The following SLC16A7 variants were observed in gnomAD, a reference collection of about 807,000 sequenced individuals.
SLC16A7 encodes the protein monocarboxylate transporter 2.
In SLC16A7, 33 loss-of-function variants were observed where a neutral mutation model predicts 34.9. That is an observed-to-expected ratio of 0.94 (90% CI 0.72 to 1.26). SLC16A7 has a LOEUF of 1.26. Ranked by LOEUF, SLC16A7 falls within the 50% of genes most tolerant of loss-of-function variation. The pLI, the probability that SLC16A7 is intolerant of heterozygous loss-of-function variation, is 0.00. For missense variants in SLC16A7, 573 were observed against 578.1 expected, an observed-to-expected ratio of 0.99 and a Z score of 0.09; for synonymous variants, 201 against 206.6, an observed-to-expected ratio of 0.97 and a Z score of 0.23.
intron 2 of SLC16A7, among the ~76,000 whole-genome samples, chr12:59,692,552 A>G (rs1871795673): frequency 6.6e-6 from 1 of 152,058 alleles, no homozygotes; most frequent in Admixed American, 6.6e-5. Flanking sequence ...GGGGATGTTC[A>G]ACCTGTATTA....
chr12:59,773,687 A>C (rs12826770), intron 4 of SLC16A7, among the ~76,000 whole-genome samples: 11,906 of 151,748 alleles, frequency 0.078, 554 homozygotes, highest in Middle Eastern at 0.17. Flanking sequence ...GCCTCAGCCT[A>C]CCAAGTAGCT....
At chr12:59,654,469 G>T (rs1868432290) in intron 1 of SLC16A7, among the ~76,000 whole-genome samples, 1 of 151,640 alleles carries the variant, frequency 6.6e-6, no homozygotes, top group Admixed American at 6.6e-5. Flanking sequence ...GTTGGACAGA[G>T]AAATGAAAAA....
intron 3 of SLC16A7, among the ~76,000 whole-genome samples, chr12:59,712,897 GAT>G (rs1378952173): frequency 1.3e-5 from 2 of 152,278 alleles, no homozygotes; most frequent in Admixed American, 1.3e-4. Context: ...ATATATGATA[GAT>G]ACATGTGGTT....
intron 2 of SLC16A7, among the ~76,000 whole-genome samples, chr12:59,679,637 A>G (rs1330159472): frequency 6.6e-6 from 1 of 152,052 alleles, no homozygotes; most frequent in African/African-American, 2.4e-5. Flanking sequence ...CTTTATAATT[A>G]CCTCCTACAT....
chr12:59,651,697 C>A (rs1359815272), intron 1 of SLC16A7, among the ~76,000 whole-genome samples: 2 of 152,130 alleles, frequency 1.3e-5, no homozygotes, highest in Non-Finnish European at 2.9e-5. Flanking sequence ...CCACAATGCC[C>A]TCACATTCTT....
At chr12:59,706,132 A>G (rs1873538520) in intron 3 of SLC16A7, among the ~76,000 whole-genome samples, 1 of 152,114 alleles carries the variant, frequency 6.6e-6, no homozygotes, top group Non-Finnish European at 1.5e-5. Flanking sequence ...CTAGCATTTA[A>G]CACCTGTGGT....
Position 59,704,965 on chromosome 12 carries a change from A to C in SLC16A7, c.164A>C (p.Tyr55Ser), listed in dbSNP as rs954211419. Residue 55 changes from tyrosine (Y) to serine (S), a missense_variant, in exon 3 of 6, where the codon TAC (tyrosine) becomes TCC (serine). Physicochemically the swap from Tyr to Ser is moderately radical, Grantham distance 144. Transcript: ENST00000547379. The part of the protein sequence containing the change: ...KEIQQIFHTT[Y>S]SEIAWISSIM... ...ATTCAGCAAATATTCCACACTACCTACAGTGAAATAGCATGGATTTCATCC... is the reference window on the plus strand; with the variant it reads ...ATTCAGCAAATATTCCACACTACCTCCAGTGAAATAGCATGGATTTCATCC... The C allele has an allele frequency of 6.2e-7, 1 of 1,613,726 alleles. No individual in the cohort carries two copies. Among genetic ancestry groups the C allele is most frequent in the Non-Finnish European group, 8.5e-7 (1 of 1,179,702 alleles).
Position 59,789,221 on chromosome 12 carries a change from T to A in SLC16A7, c.*9542T>A, listed in dbSNP as rs1027641233. The A allele has an allele frequency of 1.3e-5, 2 of 152,140 alleles. No homozygotes were observed. Among genetic ancestry groups the A allele is most frequent in the Admixed American group, 6.5e-5 (1 of 15,270 alleles). 9.4% of individuals were successfully genotyped at this position (152,140 alleles called of 1,614,324 possible). A position where few individuals can be genotyped will look rare whatever the true frequency, so the allele number is the denominator to read the frequency against. On this transcript the variant is annotated 3_prime_UTR_variant, in exon 6 of 6. Transcript: ENST00000547379. ...ATTGAAATGAATTGATAGATATTGA[T>A]TATTAAAATGCTACTACAGTATTCT...
chr12:59,752,824 T>C (rs1879751260), intron 3 of SLC16A7, among the ~76,000 whole-genome samples: 1 of 151,880 alleles, frequency 6.6e-6, no homozygotes, highest in South Asian at 2.1e-4. Flanking sequence ...AAAGTTGAAA[T>C]GAAGGAAAAA....
intron 1 of SLC16A7, among the ~76,000 whole-genome samples, chr12:59,610,700 C>T (rs1367204179): frequency 3.9e-5 from 6 of 152,154 alleles, no homozygotes; most frequent in African/African-American, 1.4e-4. Flanking sequence ...AACTCTAGCC[C>T]TCTGATAGGA....
chr12:59,755,388 A>T (rs1310992762), intron 3 of SLC16A7, among the ~76,000 whole-genome samples: 1 of 152,220 alleles, frequency 6.6e-6, no homozygotes, highest in African/African-American at 2.4e-5. Context: ...CCTTAAGCTG[A>T]TAAGCAACTT....
At chr12:59,754,176 C>T (rs988437620) in intron 3 of SLC16A7, among the ~76,000 whole-genome samples, 4 of 152,078 alleles carry the variant, frequency 2.6e-5, no homozygotes, top group Non-Finnish European at 4.4e-5. Context: ...AATTGACACC[C>T]TAACATATCA....
chr12:59,597,290 G>T (rs1878466977), intron 1 of SLC16A7: 1 of 151,010 alleles, frequency 6.6e-6, no homozygotes, highest in South Asian at 2.1e-4. Flanking sequence ...AAGAGGAAAC[G>T]AGGAGTGGTT....
intron 3 of SLC16A7, among the ~76,000 whole-genome samples, chr12:59,746,605 A>G (rs1227481974): frequency 6.6e-6 from 1 of 152,210 alleles, no homozygotes; most frequent in Non-Finnish European, 1.5e-5. Context: ...CCTCAAGAAC[A>G]TCTTTAATAG....
intron 3 of SLC16A7, among the ~76,000 whole-genome samples, chr12:59,750,953 A>T (rs1381432115): frequency 6.6e-6 from 1 of 152,040 alleles, no homozygotes; most frequent in East Asian, 1.9e-4. Context: ...CAGCAAACTA[A>T]CACAGGAACA....
intron 1 of SLC16A7, among the ~76,000 whole-genome samples, chr12:59,636,639 A>G (rs1467347006): frequency 1.3e-5 from 2 of 152,120 alleles, no homozygotes; most frequent in African/African-American, 4.8e-5. Context: ...AATATGTTTT[A>G]AAGTAGGAAT....
chr12:59,646,861 G>A (rs1424852802), intron 1 of SLC16A7, among the ~76,000 whole-genome samples: 1 of 152,086 alleles, frequency 6.6e-6, no homozygotes, highest in Non-Finnish European at 1.5e-5. Context: ...GAGTGAGTCA[G>A]CTTTTGGAAC....
chr12:59,724,013 T>A (rs572358139), intron 3 of SLC16A7, among the ~76,000 whole-genome samples: 1 of 152,174 alleles, frequency 6.6e-6, no homozygotes, highest in South Asian at 2.1e-4. Context: ...TTAAAAAATA[T>A]GTATAATGTC....
At position 59,643,111 on chromosome 12, in the gene SLC16A7, C is replaced by T. The variant is rs371446483; in HGVS notation, c.-129-12041C>T. Among the ~76,000 whole-genome samples the T allele has an allele frequency of 3.2e-3, 487 of 152,206 alleles. 1 individual carries two copies. Among genetic ancestry groups the T allele is most frequent in the Middle Eastern group, 0.024 (7 of 294 alleles). On this transcript the variant is annotated intron_variant, in intron 1 of 5. Coordinates refer to ENST00000547379, the MANE Select transcript of SLC16A7 (RefSeq NM_001270623.2). ...TATTACTTCCTTGATTTAGACTTTACTTTCTGCCACAGACTATGCTGCATA... is the reference window on the plus strand; with the variant it reads ...TATTACTTCCTTGATTTAGACTTTATTTTCTGCCACAGACTATGCTGCATA...
Sources: allele counts gnomAD v4.1 joint callset (sites outside exome capture counted in the v4.1 genomes callset), GRCh38; gene constraint gnomAD v4.1.1; transcripts MANE v1.5; gene names NCBI Gene and HGNC (gene_info 2026-07-23, HGNC 2026-07-21).